Variants in NPAT observed in about 807,000 individuals in gnomAD.
NPAT encodes the protein nuclear protein, coactivator of histone transcription.
NPAT carries 52 observed loss-of-function variants against 130.7 expected under a neutral mutation model. That is an observed-to-expected ratio of 0.40 (90% CI 0.32 to 0.50). The LOEUF (loss-of-function observed/expected upper bound fraction) is 0.50, where lower values mean the gene tolerates loss of function less well. Ranked by LOEUF, NPAT falls within the 20% of genes least tolerant of loss-of-function variation. The pLI, the probability that NPAT is intolerant of heterozygous loss-of-function variation, is 0.68. For missense variants in NPAT, 1,687 were observed against 1,662.6 expected (o/e 1.01, Z -0.26); for synonymous variants, 580 against 584.8 (o/e 0.99, Z 0.12).
chr11:108,173,494 T>C lies in NPAT; in HGVS notation c.1490A>G (p.Glu497Gly). ...KNSLSSNVPS[E>G]SQLQPDQPDI... ...AGGCTGATCAGGCTGTAACTGAGATTCACTCGGTACATTTGAAGACAAAGA... is the reference window on the plus strand; with the variant it reads ...AGGCTGATCAGGCTGTAACTGAGATCCACTCGGTACATTTGAAGACAAAGA... The change falls in exon 13 of 18, where the codon GAA becomes GGA. Residue 497 changes from glutamate to glycine, a missense_variant. Coordinates refer to ENST00000278612, the MANE Select transcript of NPAT (RefSeq NM_002519.3). 3 of 1,614,128 alleles carry C rather than the reference T, an allele frequency of 1.9e-6. No homozygotes were observed. Among genetic ancestry groups the C allele is most frequent in the Non-Finnish European group, 2.5e-6 (3 of 1,179,974 alleles).
intron 15 of NPAT, among the ~76,000 whole-genome samples, chr11:108,165,915 G>A (rs1157006293): frequency 6.6e-6 from 1 of 150,742 alleles, no homozygotes; most frequent in Non-Finnish European, 1.5e-5. Context: ...TTACAGGCGT[G>A]AGCCACCACG....
chr11:108,200,618 C>T (rs2078266908), intron 1 of NPAT, among the ~76,000 whole-genome samples: 2 of 152,288 alleles, frequency 1.3e-5, no homozygotes, highest in South Asian at 4.1e-4. Flanking sequence ...ACAATATCCC[C>T]TAAAACCAGA....
rs377280872 is a variant in NPAT at position 108,169,752 on chromosome 11, G to A, written c.3002C>T (p.Pro1001Leu). 4 of 1,604,224 alleles carry A rather than the reference G, an allele frequency of 2.5e-6. No homozygotes were observed. The African/African-American group carries it at 4.0e-5, about 16-fold the overall frequency. ...GAAATTAAAAATGGTACCTATACAAGGCTTGTTTCTTAGTCCCTGAGCCTT... is the reference window on the plus strand; with the variant it reads ...GAAATTAAAAATGGTACCTATACAAAGCTTGTTTCTTAGTCCCTGAGCCTT... ...SQKAQGLRNKPCIGKQVNNLV... is the reference protein window; with the variant it reads ...SQKAQGLRNKLCIGKQVNNLV... Residue 1001 changes from proline (P) to leucine (L), a missense_variant, in exon 15 of 18, where the codon CCT (proline) becomes CTT (leucine). Pro to Leu is a moderately conservative substitution (Grantham distance 98). Around this residue, in one of 3 missense-constraint regions of NPAT, gnomAD observed 1,379 missense variants for 1,346.6 expected, o/e 1.02. Transcript: ENST00000278612.
chr11:108,189,416 A>AT, intron 5 of NPAT, 86 bp from the exon 6 acceptor site: 1 of 1,083,500 alleles, frequency 9.2e-7, no homozygotes. Context: ...AACCTATTAT[A>AT]TAACAACGTG....
chr11:108,160,731 G>C, intron 17 of NPAT, 149 bp downstream of exon 17: 1 of 716,410 alleles, frequency 1.4e-6, no homozygotes, highest in Non-Finnish European at 2.3e-6. Flanking sequence ...TTGGTCCTGT[G>C]ATCATGGTTA....
At chr11:108,209,505 T>C (rs1386991150) in intron 1 of NPAT, among the ~76,000 whole-genome samples, 2 of 151,802 alleles carry the variant, frequency 1.3e-5, no homozygotes, top group African/African-American at 2.4e-5. Context: ...TGAACTATGA[T>C]CGCGCCACTG....
At chr11:108,167,364 A>C (rs2077911104) in intron 15 of NPAT, among the ~76,000 whole-genome samples, 1 of 152,112 alleles carries the variant, frequency 6.6e-6, no homozygotes, top group Non-Finnish European at 1.5e-5. Flanking sequence ...ATCTGCCACC[A>C]CAGCTGGCTA....
intron 1 of NPAT, among the ~76,000 whole-genome samples, chr11:108,202,076 C>T (rs542859914): frequency 1.3e-5 from 2 of 152,280 alleles, no homozygotes; most frequent in East Asian, 1.9e-4. Flanking sequence ...ACTGCCCTCA[C>T]AAAGGTGCTT....
At position 108,204,561 on chromosome 11, in the gene NPAT, C is replaced by T. The variant is rs1412669113; in HGVS notation, c.38-7141G>A. Among the ~76,000 whole-genome samples, 4 of 152,056 alleles carry T rather than the reference C, an allele frequency of 2.6e-5. No individual in the cohort carries two copies. In the East Asian group the frequency reaches 7.7e-4, roughly 29 times the overall value. On this transcript the variant is annotated intron_variant, in intron 1 of 17. Transcript: ENST00000278612. Reference sequence around the variant, plus strand: ...AAAACCCTGGAACCTGCCGAACCTGCCGAACCTGCAGAACCTGCCGGTGGG... The same window carrying T: ...AAAACCCTGGAACCTGCCGAACCTGTCGAACCTGCAGAACCTGCCGGTGGG...
At position 108,172,502 on chromosome 11, in the gene NPAT, G is replaced by C; in HGVS notation, c.2482C>G (p.Gln828Glu). ...KSEDSAVNNT[Q>E]NEDGIAFSAN... ...GAAAAAGCAATGCCATCTTCATTCT[G>C]AGTATTGTTTACTGCAGAGTCTTCA... Residue 828 changes from glutamine to glutamate, a missense_variant, in exon 13 of 18, where the codon CAG becomes GAG. Physicochemically the swap from Gln to Glu is conservative, Grantham distance 29 (BLOSUM62 2). Transcript: ENST00000278612. 1 of 1,614,168 alleles carries C rather than the reference G, an allele frequency of 6.2e-7. No homozygotes were observed. The highest frequency in any genetic ancestry group is 8.5e-7 in the Non-Finnish European group (1 of 1,180,036).
chr11:108,183,667 A>C (rs888738477), intron 10 of NPAT, among the ~76,000 whole-genome samples: 3 of 152,026 alleles, frequency 2.0e-5, no homozygotes, highest in African/African-American at 7.2e-5. Context: ...CCAGGCGTGG[A>C]GGTGCATGCC....
At chr11:108,200,052 G>A (rs948725509) in intron 1 of NPAT, among the ~76,000 whole-genome samples, 1 of 152,190 alleles carries the variant, frequency 6.6e-6, no homozygotes, top group African/African-American at 2.4e-5. Context: ...AAGCAAGAAG[G>A]ATGCAATGAC....
chr11:108,185,516 A>C, intron 8 of NPAT, 22 bp from the exon 9 acceptor site: 1 of 1,441,764 alleles, frequency 6.9e-7, no homozygotes, highest in Non-Finnish European at 9.8e-7. Context: ...AGCCACTGTT[A>C]GCAAAAGGAC....
At chr11:108,204,334 C>T (rs1215043650) in intron 1 of NPAT, among the ~76,000 whole-genome samples, 1 of 152,178 alleles carries the variant, frequency 6.6e-6, no homozygotes, top group Non-Finnish European at 1.5e-5. Flanking sequence ...ACTCAACATG[C>T]ACTCCCACAT....
chr11:108,189,880 A>C (rs976893924), intron 5 of NPAT, among the ~76,000 whole-genome samples: 2 of 151,512 alleles, frequency 1.3e-5, no homozygotes, highest in African/African-American at 4.8e-5. Flanking sequence ...AAAAAAAAAA[A>C]AAAACAAAAA....
At chr11:108,164,438 A>G (rs965498038) in intron 15 of NPAT, among the ~76,000 whole-genome samples, 3 of 152,232 alleles carry the variant, frequency 2.0e-5, no homozygotes, top group African/African-American at 7.2e-5. Flanking sequence ...TAGGTTATTA[A>G]GAAAACTGGC....
At chr11:108,168,304 C>T (rs1405619709) in intron 15 of NPAT, among the ~76,000 whole-genome samples, 3 of 152,098 alleles carry the variant, frequency 2.0e-5, no homozygotes, top group Non-Finnish European at 2.9e-5. Context: ...GAAAAGTCCA[C>T]TGATAGGACA....
intron 6 of NPAT, 81 bp downstream of exon 6, chr11:108,189,025 G>T: frequency 9.3e-7 from 1 of 1,075,766 alleles, no homozygotes; most frequent in Non-Finnish European, 1.4e-6. Flanking sequence ...TTTACACTAT[G>T]AGTATAAAGA....
intron 1 of NPAT, among the ~76,000 whole-genome samples, chr11:108,215,524 A>C (rs756854801): frequency 1.3e-5 from 2 of 152,204 alleles, no homozygotes; most frequent in Admixed American, 6.5e-5. Context: ...CTGAATTTAA[A>C]AGATAAAAAA....
Sources: gnomAD v4.1 joint callset for allele counts (sites outside exome capture counted in the v4.1 genomes callset) on GRCh38, gnomAD v4.1.1 for gene constraint, gnomAD v4.1.1 regional missense constraint, MANE v1.5 for transcripts, NCBI Gene and HGNC (gene_info 2026-07-23, HGNC 2026-07-21) for gene names.